Variants in KIAA1328 observed in about 807,000 individuals in gnomAD.
KIAA1328 encodes the protein KIAA1328.
KIAA1328 carries 52 observed loss-of-function variants against 68.1 expected under a neutral mutation model. The ratio of observed to expected loss-of-function variants is 0.76; its 90% CI spans 0.61 to 0.96. The LOEUF (loss-of-function observed/expected upper bound fraction) is 0.96. Ranked by LOEUF, KIAA1328 falls within the 40% of genes least tolerant of loss-of-function variation. The pLI is 0.00. For synonymous variants in KIAA1328, 232 were observed against 239.4 expected (o/e 0.97, Z 0.28); for missense variants, 641 against 677.6 (o/e 0.95, Z 0.60).
chr18:37,103,707 G>GA (rs1184163219), intron 7 of KIAA1328, among the ~76,000 whole-genome samples: 2 of 151,732 alleles, frequency 1.3e-5, no homozygotes, highest in Non-Finnish European at 2.9e-5. Context: ...TCAACAGAAT[G>GA]AAAAGAAACC....
Position 36,829,159 on chromosome 18 carries a change from C to T in KIAA1328, c.21C>T (p.Pro7=), listed in dbSNP as rs779402231. Residue 7 remains proline, a synonymous_variant, in exon 1 of 10, where the codon CCC becomes CCT. Coordinates refer to ENST00000280020, the MANE Select transcript of KIAA1328 (RefSeq NM_020776.3). The part of the protein sequence containing the change: MADVAG[P]SRPSAAAFWS... ...TCAAGATGGCGGACGTGGCGGGCCC[C>T]TCCCGCCCCAGTGCCGCGGCGTTCT... 25 of 1,533,728 alleles carry T rather than the reference C, an allele frequency of 1.6e-5. No homozygotes were observed. The highest frequency in any genetic ancestry group is 6.1e-5 in the South Asian group (5 of 82,544).
chr18:37,079,803 C>T (rs2056884803), intron 7 of KIAA1328, among the ~76,000 whole-genome samples: 1 of 149,730 alleles, frequency 6.7e-6, no homozygotes, highest in Non-Finnish European at 1.5e-5. Flanking sequence ...ACGGGAATCG[C>T]TTGAGTGCGG....
At chr18:37,176,731 C>T (rs775159569) in intron 9 of KIAA1328, among the ~76,000 whole-genome samples, 1 of 152,200 alleles carries the variant, frequency 6.6e-6, no homozygotes, top group Non-Finnish European at 1.5e-5. Context: ...AAATAAATAC[C>T]TTTCCTACCA....
At chr18:36,986,469 C>A (rs1224202203) in intron 6 of KIAA1328, among the ~76,000 whole-genome samples, 1 of 134,200 alleles carries the variant, frequency 7.5e-6, no homozygotes, top group African/African-American at 2.8e-5. Context: ...GCAACAAAAG[C>A]CAAAATTGAC....
intron 6 of KIAA1328, among the ~76,000 whole-genome samples, chr18:37,002,458 G>A (rs965785697): frequency 6.6e-6 from 1 of 151,424 alleles, no homozygotes; most frequent in African/African-American, 2.4e-5. Context: ...GGTCTTTAGT[G>A]ATCCTACCAC....
chr18:36,940,630 A>G (rs551887921), intron 5 of KIAA1328, among the ~76,000 whole-genome samples: 37 of 151,476 alleles, frequency 2.4e-4, no homozygotes, highest in African/African-American at 8.2e-4. Context: ...TGAAAAGCCT[A>G]TAATAAGCTG....
intron 5 of KIAA1328, among the ~76,000 whole-genome samples, chr18:36,887,295 C>T (rs1647066264): frequency 6.6e-6 from 1 of 152,074 alleles, no homozygotes; most frequent in South Asian, 2.1e-4. Context: ...GAGTAGTACT[C>T]CAGGTCCTAG....
chr18:36,871,719 C>T (rs1010294596), intron 4 of KIAA1328, among the ~76,000 whole-genome samples: 2 of 151,874 alleles, frequency 1.3e-5, no homozygotes, highest in Non-Finnish European at 2.9e-5. Flanking sequence ...TAGGACATTT[C>T]TTGAAACTGA....
chr18:37,003,653 G>A (rs2053671771), intron 6 of KIAA1328, among the ~76,000 whole-genome samples: 1 of 152,096 alleles, frequency 6.6e-6, no homozygotes, highest in African/African-American at 2.4e-5. Flanking sequence ...TGGTCATGAA[G>A]TCTTTGCCTA....
At chr18:36,909,321 C>T (rs552848395) in intron 5 of KIAA1328, among the ~76,000 whole-genome samples, 145 of 148,064 alleles carry the variant, frequency 9.8e-4, no homozygotes, top group Non-Finnish European at 1.9e-3. Flanking sequence ...TGTGATGTTC[C>T]CCTTCTTGTG....
chr18:37,064,410 TTTTC>T (rs2056268862), intron 6 of KIAA1328, among the ~76,000 whole-genome samples: 1 of 152,290 alleles, frequency 6.6e-6, no homozygotes, highest in African/African-American at 2.4e-5. Context: ...TTGGTGGGAT[TTTTC>T]TCCCCTTATA....
intron 6 of KIAA1328, among the ~76,000 whole-genome samples, chr18:37,061,415 C>T (rs1033876074): frequency 3.9e-5 from 6 of 152,076 alleles, no homozygotes; most frequent in Non-Finnish European, 7.4e-5. Context: ...GATGGTTACA[C>T]AGATAGATAC....
intron 6 of KIAA1328, among the ~76,000 whole-genome samples, chr18:37,023,746 CTG>C (rs1466813418): frequency 6.6e-6 from 1 of 152,180 alleles, no homozygotes; most frequent in Admixed American, 6.5e-5. Context: ...TTCATTATCT[CTG>C]CAGTGTCCCC....
At chr18:37,045,736 G>A (rs189297393) in intron 6 of KIAA1328, among the ~76,000 whole-genome samples, 1 of 152,178 alleles carries the variant, frequency 6.6e-6, no homozygotes, top group African/African-American at 2.4e-5. Context: ...CCTTTTACAT[G>A]TACTGTTTGA....
At chr18:37,164,338 C>T (rs1294593684) in intron 8 of KIAA1328, among the ~76,000 whole-genome samples, 1 of 152,186 alleles carries the variant, frequency 6.6e-6, no homozygotes, top group African/African-American at 2.4e-5. Flanking sequence ...GACTTTTTCA[C>T]CTCAGTACCT....
intron 6 of KIAA1328, among the ~76,000 whole-genome samples, chr18:36,992,447 CTTTCTTTTTTTTTTTTTTTTTTTT>C: frequency 1.5e-5 from 1 of 66,762 alleles, no homozygotes; most frequent in South Asian, 7.1e-4. Context: ...CTTTTCTTTT[CTTTCTTTTTTTTTTTTTTTTTTTT>C]TTTTTGCTAT....
intron 5 of KIAA1328, among the ~76,000 whole-genome samples, chr18:36,890,387 A>G (rs1433712140): frequency 1.3e-5 from 2 of 152,200 alleles, no homozygotes; most frequent in East Asian, 3.9e-4. Flanking sequence ...CAAAAAAAAT[A>G]TGTCTGCGCG....
intron 5 of KIAA1328, among the ~76,000 whole-genome samples, chr18:36,890,445 C>T (rs924876152): frequency 4.2e-4 from 64 of 152,070 alleles, no homozygotes; most frequent in African/African-American, 1.4e-3. Flanking sequence ...CCAAGGCAGG[C>T]GGATCACCTG....
chr18:37,075,028 T>A (rs2151765769), intron 7 of KIAA1328: 1 of 151,728 alleles, frequency 6.6e-6, no homozygotes, highest in Middle Eastern at 3.4e-3. Context: ...GACACATAAT[T>A]GTCAGATTCA....
Sources: allele counts gnomAD v4.1 joint callset (sites outside exome capture counted in the v4.1 genomes callset), GRCh38; gene constraint gnomAD v4.1.1; transcripts MANE v1.5; gene names NCBI Gene and HGNC (gene_info 2026-07-23, HGNC 2026-07-21).